The following MCTP2 variants were observed in gnomAD, a reference collection of about 807,000 sequenced individuals.
MCTP2 encodes multiple C2 and transmembrane domain-containing protein 2.
In MCTP2, 132 loss-of-function variants were observed where a neutral mutation model predicts 111.6. The ratio of observed to expected loss-of-function variants is 1.18; its 90% confidence interval spans 1.03 to 1.37. The LOEUF (loss-of-function observed/expected upper bound fraction) is 1.37, where lower values mean the gene tolerates loss of function less well. Ranked by LOEUF, MCTP2 falls within the 40% of genes most tolerant of loss-of-function variation. The pLI is 0.00. For synonymous variants in MCTP2, 395 were observed against 387.7 expected, an observed-to-expected ratio of 1.02 and a Z score of -0.22; for missense variants, 1,183 against 1,067.9, an observed-to-expected ratio of 1.11 and a Z score of -1.50.
chr15:94,305,210 A>G (rs1458804938), intron 2 of MCTP2, among the ~76,000 whole-genome samples: 1 of 152,222 alleles, frequency 6.6e-6, no homozygotes, highest in East Asian at 1.9e-4. Context: ...TACAAGAGAA[A>G]GAGACACCAG....
intron 17 of MCTP2, among the ~76,000 whole-genome samples, chr15:94,403,916 A>G (rs2081747401): frequency 1.3e-5 from 2 of 152,138 alleles, no homozygotes; most frequent in Non-Finnish European, 1.5e-5. Flanking sequence ...GTATAGGGAC[A>G]TTTCTCATTG....
intron 4 of MCTP2, 104 bp from the exon 5 acceptor site, chr15:94,339,186 G>T: frequency 1.3e-6 from 1 of 780,108 alleles, no homozygotes; most frequent in Non-Finnish European, 2.0e-6. Flanking sequence ...CTCTGTGCAG[G>T]GAGACATTAG....
chr15:94,441,899 CCATGAGTACCACA>C (rs760344721), intron 18 of MCTP2, among the ~76,000 whole-genome samples: 6 of 152,152 alleles, frequency 3.9e-5, no homozygotes, highest in Non-Finnish European at 5.9e-5. Flanking sequence ...CCCAGAGGAC[CCATGAGTACCACA>C]CAAACTGCTA....
chr15:94,442,972 CAAGA>C lies in MCTP2; in HGVS notation c.2250+18_2250+21del. 6 of 1,605,426 alleles carry C rather than the reference CAAGA, an allele frequency of 3.7e-6. No individual in the cohort carries two copies. The highest frequency in any genetic ancestry group is 4.3e-6 in the Non-Finnish European group (5 of 1,175,822). ...ATGAAGATGACAAGGTGCGTATGTT[CAAGA>C]AAGAACACACACAAAAAAACACTAG... On this transcript the variant is annotated intron_variant, in intron 19 of 22. Coordinates refer to ENST00000357742, the MANE Select transcript of MCTP2 (RefSeq NM_001385001.1).
Position 94,481,509 on chromosome 15 carries a change from G to A in MCTP2, c.*2475G>A, listed in dbSNP as rs959778938. The stretch of plus-strand genomic sequence containing the variant: ...GCCTTCATAACCTCTCAGACGTCAC[G>A]GCCATGATGCCAGTTACATTATGCC... On this transcript the variant is annotated 3_prime_UTR_variant, in exon 23 of 23. Coordinates refer to ENST00000357742, the MANE Select transcript of MCTP2 (RefSeq NM_001385001.1). 5 of 152,228 alleles carry A rather than the reference G, an allele frequency of 3.3e-5. No individual in the cohort carries two copies. The highest frequency in any genetic ancestry group is 5.9e-5 in the Non-Finnish European group (4 of 68,112). 9.4% of individuals were successfully genotyped at this position (152,228 alleles called of 1,614,324 possible).
intron 14 of MCTP2, among the ~76,000 whole-genome samples, 192 bp downstream of exon 14, chr15:94,385,717 T>A (rs2152456885): frequency 6.6e-6 from 1 of 152,328 alleles, no homozygotes; most frequent in Non-Finnish European, 1.5e-5. Context: ...TGTAATTTTT[T>A]TCTGTTTCAG....
At position 94,345,003 on chromosome 15, in the gene MCTP2, A is replaced by C. The variant is rs1596417599; in HGVS notation, c.970-126A>C. 6 of 1,103,200 alleles carry C rather than the reference A, an allele frequency of 5.4e-6. No homozygotes were observed. The East Asian group carries it at 1.6e-4, about 30-fold the overall frequency. 68.3% of individuals were successfully genotyped at this position (1,103,200 alleles called of 1,614,324 possible). A position where few individuals can be genotyped will look rare whatever the true frequency, so the allele number is the denominator to read the frequency against. The stretch of plus-strand genomic sequence containing the variant: ...AAATATGCTTTCTCTATAACCTCAG[A>C]ACTTGGATATTAATTATCTGAATGT... On this transcript the variant is annotated intron_variant, in intron 7 of 22. Coordinates refer to ENST00000357742, the MANE Select transcript of MCTP2 (RefSeq NM_001385001.1).
At chr15:94,311,158 G>T (rs2076117681) in intron 2 of MCTP2, among the ~76,000 whole-genome samples, 1 of 151,620 alleles carries the variant, frequency 6.6e-6, no homozygotes, top group African/African-American at 2.4e-5. Context: ...CCGAGAAACT[G>T]GGATGACAGG....
At chr15:94,387,970 A>G (rs1482787308) in intron 14 of MCTP2, among the ~76,000 whole-genome samples, 2 of 152,294 alleles carry the variant, frequency 1.3e-5, no homozygotes, top group African/African-American at 2.4e-5. Context: ...AATTCCAGCA[A>G]TGGCCGGGCA....
chr15:94,401,801 T>C, intron 16 of MCTP2, 99 bp from the exon 17 acceptor site: 1 of 818,832 alleles, frequency 1.2e-6, no homozygotes, highest in South Asian at 2.6e-5. Flanking sequence ...AAAATTGGGA[T>C]CTATACAAAA....
At chr15:94,243,704 TAC>T (rs368107086) in intron 1 of MCTP2, among the ~76,000 whole-genome samples, 10 of 123,702 alleles carry the variant, frequency 8.1e-5, no homozygotes, top group African/African-American at 2.2e-4. Context: ...TATGCGTATA[TAC>T]ACATATATGT....
intron 12 of MCTP2, among the ~76,000 whole-genome samples, chr15:94,379,895 A>G (rs1263468632): frequency 3.4e-5 from 5 of 147,272 alleles, no homozygotes; most frequent in Admixed American, 2.7e-4. Context: ...TATAATATAT[A>G]TGATATATAA....
chr15:94,284,066 T>C (rs118006101), intron 1 of MCTP2, among the ~76,000 whole-genome samples: 2,839 of 152,278 alleles, frequency 0.019, 42 homozygotes, highest in Non-Finnish European at 0.03. Context: ...TATACCTACT[T>C]TGGAGAATAG....
intron 17 of MCTP2, among the ~76,000 whole-genome samples, chr15:94,428,593 G>A (rs2083003930): frequency 6.6e-6 from 1 of 151,844 alleles, no homozygotes; most frequent in Admixed American, 6.6e-5. Flanking sequence ...CTTTTTCTCG[G>A]TTCTCTGTTT....
At chr15:94,338,571 C>T (rs991033927) in intron 4 of MCTP2, among the ~76,000 whole-genome samples, 7 of 143,040 alleles carry the variant, frequency 4.9e-5, no homozygotes, top group African/African-American at 8.0e-5. Context: ...TTGCTTTGGG[C>T]GGAGTGACTG....
chr15:94,457,572 A>G (rs1411712675), intron 19 of MCTP2, among the ~76,000 whole-genome samples: 1 of 152,184 alleles, frequency 6.6e-6, no homozygotes, highest in Admixed American at 6.5e-5. Flanking sequence ...ACTTTGTAGC[A>G]TGTCCACAGC....
intron 2 of MCTP2, 71 bp downstream of exon 2, chr15:94,298,801 TCTCCCCATCTCC>T: frequency 1.1e-6 from 1 of 951,428 alleles, no homozygotes; most frequent in Non-Finnish European, 1.5e-6. Context: ...TTTCTCCCTC[TCTCCCCATCTCC>T]CTCTCTCTTC....
chr15:94,446,870 T>C (rs1211623602), intron 19 of MCTP2, among the ~76,000 whole-genome samples: 2 of 152,214 alleles, frequency 1.3e-5, no homozygotes, highest in African/African-American at 4.8e-5. Flanking sequence ...TGAAAAACAA[T>C]ATGACCCTTT....
Position 94,375,710 on chromosome 15 carries a change from A to G in MCTP2, c.1582+5530A>G, listed in dbSNP as rs193171355. On this transcript the variant is annotated intron_variant, in intron 12 of 22. Coordinates refer to ENST00000357742, the MANE Select transcript of MCTP2 (RefSeq NM_001385001.1). ...GTTGTTAATAAAGGAAATAACTCCC[A>G]AATTAGCATAATCTCAAAATATCTA... Among the ~76,000 whole-genome samples the G allele has an allele frequency of 3.4e-4, 52 of 152,322 alleles. 1 individual carries two copies. The East Asian group carries it at 8.1e-3, about 24-fold the overall frequency.
Sources: gnomAD v4.1 joint callset for allele counts (sites outside exome capture counted in the v4.1 genomes callset) on GRCh38, gnomAD v4.1.1 for gene constraint, MANE v1.5 for transcripts, NCBI Gene and HGNC (gene_info 2026-07-23, HGNC 2026-07-21) for gene names.